TBPL1: variants seen among roughly 807,000 people sequenced by gnomAD.
TBPL1 encodes TATA box-binding protein-like 1.
In TBPL1, 4 loss-of-function variants were observed where a neutral mutation model predicts 22.1. The observed-to-expected ratio is 0.18, with a 90% CI of 0.09 to 0.41. The LOEUF (loss-of-function observed/expected upper bound fraction) is 0.41. Among genes scored for constraint, TBPL1 ranks in the 10% least tolerant of loss-of-function variants. TBPL1 has a pLI of 1.00. For synonymous variants in TBPL1, 64 were observed against 71.0 expected (o/e 0.90, Z 0.50); for missense variants, 115 against 222.3 (o/e 0.52, Z 3.07).
rs1775869107 is a variant in TBPL1, at chr6:133,953,293, G to A, written c.-177G>A. 2 of 152,746 alleles carry A rather than the reference G, an allele frequency of 1.3e-5. No homozygotes were observed. The highest frequency in any genetic ancestry group is 2.9e-5 in the Non-Finnish European group (2 of 68,128). The allele number at this position is 152,746 out of a possible 1,614,324, so 9.5% of individuals were successfully genotyped here. A position where few individuals can be genotyped will look rare whatever the true frequency, so the allele number is the denominator to read the frequency against. On this transcript the variant is annotated 5_prime_UTR_variant, in exon 1 of 7. Coordinates refer to ENST00000237264, the MANE Select transcript of TBPL1 (RefSeq NM_004865.4). ...CGGGGGCTCCTAGCAACGGGCCGGGGCGGGAGTTCCATGGAGACTGGGGAG... is the reference window on the plus strand; with the variant it reads ...CGGGGGCTCCTAGCAACGGGCCGGGACGGGAGTTCCATGGAGACTGGGGAG...
At chr6:133,961,534 T>C (rs754243039) in intron 1 of TBPL1, among the ~76,000 whole-genome samples, 2 of 146,196 alleles carry the variant, frequency 1.4e-5, no homozygotes, top group Non-Finnish European at 3.0e-5. Context: ...AGTGGTGCAA[T>C]CTCGGCTCAT....
chr6:133,980,479 T>C (rs1776389551), intron 2 of TBPL1, among the ~76,000 whole-genome samples: 1 of 152,172 alleles, frequency 6.6e-6, no homozygotes, highest in South Asian at 2.1e-4. Flanking sequence ...AAAGAACTCA[T>C]TGGTTACAGA....
rs532492861 is a variant in TBPL1 at position 133,954,999 on chromosome 6, G to A, written c.-45+1574G>A. ...TCATGTGTAAAGAAGTGGACAGGATGCAAAGTGTGAACATTGGGAAACTTA... is the reference window on the plus strand; with the variant it reads ...TCATGTGTAAAGAAGTGGACAGGATACAAAGTGTGAACATTGGGAAACTTA... On this transcript the variant is annotated intron_variant, in intron 1 of 6. Transcript: ENST00000237264. 3.9e-5 allele frequency among the ~76,000 whole-genome samples: 6 copies of A among 152,242 alleles called. No homozygotes were observed. In the South Asian group the frequency reaches 1.2e-3, roughly 32 times the overall value.
At chr6:133,975,363 T>G (rs1776295807) in intron 1 of TBPL1, among the ~76,000 whole-genome samples, 1 of 151,512 alleles carries the variant, frequency 6.6e-6, no homozygotes, top group Admixed American at 6.6e-5. Flanking sequence ...AACAGAGACA[T>G]GAATTATTTT....
chr6:133,956,821 C>T (rs1403721632), intron 1 of TBPL1, among the ~76,000 whole-genome samples: 1 of 152,168 alleles, frequency 6.6e-6, no homozygotes, highest in African/African-American at 2.4e-5. Context: ...TGGTGGACTG[C>T]CTTCACTTGA....
At position 133,987,088 on chromosome 6, in the gene TBPL1, T is replaced by C; in HGVS notation, c.*48T>C. Reference sequence around the variant, plus strand: ...TCTCTAACTGAGCACCTTTTAAACCTGCTGCACATTGGACTCAAAAGGAAA... The same window carrying C: ...TCTCTAACTGAGCACCTTTTAAACCCGCTGCACATTGGACTCAAAAGGAAA... On this transcript the variant is annotated 3_prime_UTR_variant, in exon 7 of 7. Coordinates refer to ENST00000237264, the MANE Select transcript of TBPL1 (RefSeq NM_004865.4). 7.4e-7 allele frequency: 1 copy of C among 1,358,906 alleles called. No individual in the cohort carries two copies. Among genetic ancestry groups the C allele is most frequent in the Non-Finnish European group, 1.0e-6 (1 of 971,738 alleles). The allele number at this position is 1,358,906 out of a possible 1,614,324, so 84.2% of individuals were successfully genotyped here.
intron 1 of TBPL1, among the ~76,000 whole-genome samples, chr6:133,953,683 C>T (rs9493770): frequency 0.13 from 20,471 of 151,914 alleles, 1,851 homozygotes; most frequent in African/African-American, 0.27. Context: ...GGGGGTGGGG[C>T]GTCCGTACCT....
chr6:133,985,069 A>G (rs2114390951), intron 6 of TBPL1, among the ~76,000 whole-genome samples: 1 of 151,640 alleles, frequency 6.6e-6, no homozygotes, highest in South Asian at 2.1e-4. Context: ...CACAAGGTCA[A>G]GAGATCAAGA....
intron 1 of TBPL1, among the ~76,000 whole-genome samples, chr6:133,969,619 G>T (rs902692531): frequency 3.3e-5 from 5 of 152,018 alleles, no homozygotes; most frequent in African/African-American, 1.2e-4. Flanking sequence ...GTTTTTTATG[G>T]CCAGGCAAAC....
intron 1 of TBPL1, among the ~76,000 whole-genome samples, chr6:133,976,267 A>AT (rs1485570999): frequency 6.6e-6 from 1 of 152,192 alleles, no homozygotes; most frequent in Non-Finnish European, 1.5e-5. Context: ...GAAATTTAAT[A>AT]TAGTTAAGAG....
chr6:133,965,607 G>A (rs1429715433), intron 1 of TBPL1, among the ~76,000 whole-genome samples: 4 of 150,062 alleles, frequency 2.7e-5, no homozygotes, highest in Non-Finnish European at 4.4e-5. Context: ...TTGGAGTTTT[G>A]TGGGTTTTTT....
At position 133,964,184 on chromosome 6, in the gene TBPL1, A is replaced by G. The variant is rs1440189685; in HGVS notation, c.-45+10759A>G. 4.6e-5 allele frequency among the ~76,000 whole-genome samples: 7 copies of G among 152,290 alleles called. No homozygotes were observed. In the East Asian group the frequency reaches 1.2e-3, roughly 25 times the overall value. On this transcript the variant is annotated intron_variant, in intron 1 of 6. Coordinates refer to ENST00000237264, the MANE Select transcript of TBPL1 (RefSeq NM_004865.4). ...AGTGTTCTTGACTTTCTCACAGACC[A>G]TAATTTCAGGTTTTAAAAATGTATG...
intron 1 of TBPL1, among the ~76,000 whole-genome samples, chr6:133,965,651 C>G: frequency 6.6e-6 from 1 of 150,954 alleles, no homozygotes; most frequent in East Asian, 1.9e-4. Context: ...GTGCTTTTTT[C>G]AGTACTCATT....
At chr6:133,978,526 TCC>T (rs1776353924) in intron 1 of TBPL1, among the ~76,000 whole-genome samples, 1 of 152,200 alleles carries the variant, frequency 6.6e-6, no homozygotes, top group Admixed American at 6.5e-5. Context: ...TATATATCTA[TCC>T]ATCAGTTCCT....
chr6:133,980,892 A>G (rs1169608937), intron 2 of TBPL1, among the ~76,000 whole-genome samples: 1 of 151,692 alleles, frequency 6.6e-6, no homozygotes, highest in Non-Finnish European at 1.5e-5. Context: ...TTAAGAATGT[A>G]TCTCAAGGCT....
In TBPL1 at chr6:133,973,006, G is replaced by A. The variant is rs144543304; in HGVS notation, c.-44-7076G>A. Among the ~76,000 whole-genome samples, 1,376 of 152,192 alleles carry A rather than the reference G, an allele frequency of 9.0e-3. 15 individuals carry two copies. The highest frequency in any genetic ancestry group is 0.017 in the Middle Eastern group (5 of 294). On this transcript the variant is annotated intron_variant, in intron 1 of 6. Transcript: ENST00000237264. ...CTAGGTCAGAGCCCCCTTTTATAAG[G>A]CTTATTTTATACTATCAAACAGATA...
rs1775872502 is a variant in TBPL1, at chr6:133,953,432, C to T, written c.-45+7C>T. ...ACCGCTCCCTCTTCCCACGGTAACC[C>T]CCTAGGCGACCCTGGGCACAGGGAG... On this transcript the variant is annotated splice_region_variant and intron_variant, in intron 1 of 6. Transcript: ENST00000237264. 1.3e-5 allele frequency: 2 copies of T among 152,856 alleles called. No homozygotes were observed. 9.5% of individuals were successfully genotyped at this position (152,856 alleles called of 1,614,324 possible).
intron 1 of TBPL1, among the ~76,000 whole-genome samples, chr6:133,954,837 A>G (rs1231336137): frequency 1.3e-5 from 2 of 151,998 alleles, no homozygotes; most frequent in African/African-American, 4.8e-5. Flanking sequence ...AACTCTAGTG[A>G]CCTATTACTA....
At chr6:133,978,044 C>T (rs1352740512) in intron 1 of TBPL1, among the ~76,000 whole-genome samples, 1 of 152,160 alleles carries the variant, frequency 6.6e-6, no homozygotes, top group Non-Finnish European at 1.5e-5. Context: ...GCCAGGGAGG[C>T]TGACATCTAT....
Sources: gnomAD v4.1 joint callset for allele counts (sites outside exome capture counted in the v4.1 genomes callset) on GRCh38, gnomAD v4.1.1 for gene constraint, MANE v1.5 for transcripts, NCBI Gene and HGNC (gene_info 2026-07-23, HGNC 2026-07-21) for gene names.